Variants in ATRNL1 observed in about 807,000 individuals in gnomAD.
The protein encoded by ATRNL1 is attractin-like protein 1.
In ATRNL1, 95 loss-of-function variants were observed where a neutral mutation model predicts 182.7. The ratio of observed to expected loss-of-function variants is 0.52; its 90% CI spans 0.44 to 0.62. The LOEUF is 0.62. Ranked by LOEUF, ATRNL1 falls within the 20% of genes least tolerant of loss-of-function variation. ATRNL1 has a pLI of 0.00. For synonymous variants in ATRNL1, 576 were observed against 568.3 expected (o/e 1.01, Z -0.19); for missense variants, 1,471 against 1,679.5 (o/e 0.88, Z 2.17).
At chr10:115,595,365 A>G (rs1856177960) in intron 26 of ATRNL1, among the ~76,000 whole-genome samples, 2 of 152,176 alleles carry the variant, frequency 1.3e-5, no homozygotes, top group South Asian at 4.1e-4. Flanking sequence ...CATGAATTAT[A>G]TTTCTGCTTT....
rs141469655 is a variant in ATRNL1 at position 115,896,763 on chromosome 10, T to C, written c.4019-47895T>C. On this transcript the variant is annotated intron_variant, in intron 28 of 28. Coordinates refer to ENST00000355044, the MANE Select transcript of ATRNL1 (RefSeq NM_207303.4). ...CTTTTCAATAGTAGTATAGGGAGAGTTGGCTGGAAGCTGTTCAAAAAATAT... is the reference window on the plus strand; with the variant it reads ...CTTTTCAATAGTAGTATAGGGAGAGCTGGCTGGAAGCTGTTCAAAAAATAT... Among the ~76,000 whole-genome samples, 1,227 of 152,042 alleles carry C rather than the reference T, an allele frequency of 8.1e-3. 15 individuals carry two copies. Among genetic ancestry groups the C allele is most frequent in the Non-Finnish European group, 0.012 (831 of 67,932 alleles).
At chr10:115,543,024 T>G (rs1852447310) in intron 25 of ATRNL1, among the ~76,000 whole-genome samples, 1 of 152,194 alleles carries the variant, frequency 6.6e-6, no homozygotes, top group Non-Finnish European at 1.5e-5. Flanking sequence ...ACAGCCACAC[T>G]GGGGGGTTAG....
At chr10:115,626,739 T>A (rs1010612256) in intron 26 of ATRNL1, among the ~76,000 whole-genome samples, 1 of 152,302 alleles carries the variant, frequency 6.6e-6, no homozygotes, top group East Asian at 1.9e-4. Context: ...AGAAAATATT[T>A]ATTACTTATT....
Position 115,469,415 on chromosome 10 carries a change from C to G in ATRNL1, c.3654+86C>G, listed in dbSNP as rs782557989. The stretch of plus-strand genomic sequence containing the variant: ...TTTGTCCAAAGTGATGATATATGTA[C>G]ATTTCCTGACTTGACTAATACAAAA... On this transcript the variant is annotated intron_variant, in intron 24 of 28. Coordinates refer to ENST00000355044, the MANE Select transcript of ATRNL1 (RefSeq NM_207303.4). 57 of 848,540 alleles carry G rather than the reference C, an allele frequency of 6.7e-5. 1 individual carries two copies. Among genetic ancestry groups the G allele is most frequent in the Non-Finnish European group, 9.5e-5 (54 of 566,926 alleles). 52.6% of individuals were successfully genotyped at this position (848,540 alleles called of 1,614,324 possible). A position where few individuals can be genotyped will look rare whatever the true frequency, so the allele number is the denominator to read the frequency against.
At chr10:115,234,716 G>T (rs140095132) in intron 9 of ATRNL1, among the ~76,000 whole-genome samples, 11 of 150,720 alleles carry the variant, frequency 7.3e-5, no homozygotes, top group African/African-American at 2.4e-4. Flanking sequence ...TTAGACTCCC[G>T]AGTCACTGGG....
chr10:115,833,799 A>G (rs1555094530), intron 27 of ATRNL1, among the ~76,000 whole-genome samples: 9 of 152,184 alleles, frequency 5.9e-5, no homozygotes, highest in Non-Finnish European at 1.3e-4. Context: ...CCTCTATCCA[A>G]TACAAACTGC....
chr10:115,334,321 A>G lies in ATRNL1; in HGVS notation c.3077A>G (p.Asn1026Ser). 6 of 1,592,800 alleles carry G rather than the reference A, an allele frequency of 3.8e-6. No individual in the cohort carries two copies. The highest frequency in any genetic ancestry group is 5.1e-6 in the Non-Finnish European group (6 of 1,166,182). Reference sequence around the variant, plus strand: ...GGACATAGCACTTGCATCAATAATAATGTGTGCGAACAGTGTAAAAATCTC... The same window carrying G: ...GGACATAGCACTTGCATCAATAATAGTGTGTGCGAACAGTGTAAAAATCTC... ...CNGHSTCINN[N>S]VCEQCKNLTT... The change falls in exon 19 of 29, where the codon AAT (asparagine) becomes AGT (serine). Residue 1026 changes from asparagine to serine, a missense_variant. By Grantham distance (46) the Asn-to-Ser change is conservative. Transcript: ENST00000355044.
At chr10:115,114,076 A>C (rs1046719593) in intron 1 of ATRNL1, among the ~76,000 whole-genome samples, 1 of 152,172 alleles carries the variant, frequency 6.6e-6, no homozygotes, top group African/African-American at 2.4e-5. Context: ...ATGGAACAGG[A>C]TAGAGAGCCC....
intron 26 of ATRNL1, among the ~76,000 whole-genome samples, chr10:115,721,507 A>C (rs10885791): frequency 0.37 from 56,419 of 152,000 alleles, 11,320 homozygotes; most frequent in East Asian, 0.59. Flanking sequence ...CCTCAGAATC[A>C]TGGTGGGGGG....
chr10:115,835,964 C>T (rs986764816), intron 27 of ATRNL1, among the ~76,000 whole-genome samples: 2 of 152,218 alleles, frequency 1.3e-5, no homozygotes, highest in African/African-American at 4.8e-5. Flanking sequence ...TGTCCCCCCA[C>T]ACCGATGTTG....
intron 26 of ATRNL1, among the ~76,000 whole-genome samples, chr10:115,714,602 G>A (rs1200526066): frequency 9.9e-5 from 15 of 152,026 alleles, no homozygotes; most frequent in Admixed American, 2.0e-4. Context: ...AATCCCAAGC[G>A]GATGAGAAGG....
chr10:115,492,889 C>T (rs7901806), intron 24 of ATRNL1, among the ~76,000 whole-genome samples: 2,837 of 151,908 alleles, frequency 0.019, 105 homozygotes, highest in African/African-American at 0.066. Context: ...GTGATCCACC[C>T]GTCTCAGCCT....
intron 1 of ATRNL1, among the ~76,000 whole-genome samples, chr10:115,099,794 T>C (rs1425749578): frequency 6.6e-6 from 1 of 152,228 alleles, no homozygotes; most frequent in Non-Finnish European, 1.5e-5. Context: ...CTGATTTTTG[T>C]GAGTTCTTTA....
chr10:115,763,482 A>G (rs1555074198), intron 27 of ATRNL1, among the ~76,000 whole-genome samples: 1 of 152,174 alleles, frequency 6.6e-6, no homozygotes. Flanking sequence ...AAAAAGATAA[A>G]TTTCCCTAGT....
chr10:115,224,668 G>C (rs1484101071), intron 9 of ATRNL1, among the ~76,000 whole-genome samples: 5 of 149,380 alleles, frequency 3.3e-5, no homozygotes, highest in Non-Finnish European at 7.4e-5. Context: ...AGATCACATA[G>C]AGATTAAAAG....
At chr10:115,780,973 A>G (rs1949251825) in intron 27 of ATRNL1, among the ~76,000 whole-genome samples, 2 of 152,180 alleles carry the variant, frequency 1.3e-5, no homozygotes, top group Non-Finnish European at 2.9e-5. Flanking sequence ...AAGTTCTCAT[A>G]TACATCTATA....
intron 27 of ATRNL1, among the ~76,000 whole-genome samples, chr10:115,732,871 A>G (rs1347602661): frequency 6.6e-6 from 1 of 152,178 alleles, no homozygotes; most frequent in East Asian, 1.9e-4. Flanking sequence ...GTGCTCAAAT[A>G]GTCATAGATA....
chr10:115,892,395 A>T (rs74772417), intron 28 of ATRNL1, among the ~76,000 whole-genome samples: 480 of 152,286 alleles, frequency 3.2e-3, no homozygotes, highest in African/African-American at 0.011. Context: ...TTATATATAC[A>T]TCTAGTAATA....
In ATRNL1 at chr10:115,636,213, G is replaced by A. The variant is rs552301986; in HGVS notation, c.3795+86677G>A. On this transcript the variant is annotated intron_variant, in intron 26 of 28. Coordinates refer to ENST00000355044, the MANE Select transcript of ATRNL1 (RefSeq NM_207303.4). ...CAAAAGGGACCCAGTTCACAACAAG[G>A]AGATAAACCTTGGTAGCCTCTTTAT... 4.6e-5 allele frequency among the ~76,000 whole-genome samples: 7 copies of A among 152,200 alleles called. No homozygotes were observed. The East Asian group carries it at 1.4e-3, about 30-fold the overall frequency.
Sources: allele counts gnomAD v4.1 joint callset (sites outside exome capture counted in the v4.1 genomes callset), GRCh38; gene constraint gnomAD v4.1.1; transcripts MANE v1.5; gene names NCBI Gene and HGNC (gene_info 2026-07-23, HGNC 2026-07-21).